Variants in ACACA observed in about 807,000 individuals in gnomAD.
ACACA encodes acetyl-CoA carboxylase 1.
ACACA carries 103 observed loss-of-function variants against 296.1 expected under a neutral mutation model. The ratio of observed to expected loss-of-function variants is 0.35; its 90% CI spans 0.30 to 0.41. The LOEUF is 0.41. Among genes scored for constraint, ACACA ranks in the 10% least tolerant of loss-of-function variants. The pLI is 1.00. For missense variants in ACACA, 1,554 were observed against 2,989.7 expected (o/e 0.52, Z 11.20); for synonymous variants, 953 against 1,038.6 (o/e 0.92, Z 1.58).
At chr17:37,355,573 T>C (rs1266268392) in intron 1 of ACACA, among the ~76,000 whole-genome samples, 1 of 147,446 alleles carries the variant, frequency 6.8e-6, no homozygotes. Flanking sequence ...TAAAATAAAA[T>C]AGCCAAGCAC....
rs2075694734 is a variant in ACACA at position 37,143,666 on chromosome 17, G to C, written c.5679+6198C>G. ...TGCTTTATAGACAAGAAAAAAATCT[G>C]TGCTAGAACCAACTTATTCATCATC... On this transcript the variant is annotated intron_variant, in intron 45 of 55. Coordinates refer to ENST00000616317, the MANE Select transcript of ACACA (RefSeq NM_198834.3). 2.2e-5 allele frequency: 20 copies of C among 892,046 alleles called. No individual in the cohort carries two copies. The East Asian group carries it at 4.5e-4, about 20-fold the overall frequency. The allele number at this position is 892,046 out of a possible 1,614,324, so 55.3% of individuals were successfully genotyped here. A position where few individuals can be genotyped will look rare whatever the true frequency, so the allele number is the denominator to read the frequency against.
chr17:37,157,837 A>G (rs1433419543), intron 42 of ACACA, among the ~76,000 whole-genome samples: 1 of 152,114 alleles, frequency 6.6e-6, no homozygotes, highest in Non-Finnish European at 1.5e-5. Context: ...GCCACCACAC[A>G]TGGCCTCATT....
At chr17:37,156,807 C>T (rs2076271074) in intron 42 of ACACA, among the ~76,000 whole-genome samples, 1 of 152,042 alleles carries the variant, frequency 6.6e-6, no homozygotes, top group Admixed American at 6.5e-5. Flanking sequence ...GAAATTATGC[C>T]CACCATTTAA....
intron 41 of ACACA, among the ~76,000 whole-genome samples, chr17:37,173,851 T>C (rs2076965029): frequency 6.8e-6 from 1 of 147,692 alleles, no homozygotes; most frequent in Admixed American, 6.8e-5. Context: ...TCTCACTCTG[T>C]CGCCCAGGCT....
chr17:37,247,978 T>G (rs939092980), intron 18 of ACACA, 33 bp downstream of exon 18: 12 of 1,613,482 alleles, frequency 7.4e-6, no homozygotes, highest in African/African-American at 1.3e-5. Flanking sequence ...GCTAACAGGA[T>G]GACCAGCAAA....
chr17:37,358,514 A>C (rs1011468878), intron 1 of ACACA, among the ~76,000 whole-genome samples: 7 of 152,208 alleles, frequency 4.6e-5, no homozygotes, highest in African/African-American at 1.7e-4. Context: ...AGAGCAAGTG[A>C]GGTCTGCACC....
chr17:37,140,668 G>C (rs192149965), intron 45 of ACACA: 57 of 190,608 alleles, frequency 3.0e-4, no homozygotes, highest in Admixed American at 3.0e-3. Context: ...TGTGGGTCTT[G>C]ATGAGGTGGT....
chr17:37,234,774 T>A (rs2080028388), intron 25 of ACACA, among the ~76,000 whole-genome samples: 1 of 152,026 alleles, frequency 6.6e-6, no homozygotes, highest in Non-Finnish European at 1.5e-5. Flanking sequence ...GCCAGAAGAG[T>A]CATTTTCTCA....
At chr17:37,179,821 CAAG>C (rs2077252491) in intron 40 of ACACA, among the ~76,000 whole-genome samples, 1 of 152,056 alleles carries the variant, frequency 6.6e-6, no homozygotes, top group South Asian at 2.1e-4. Context: ...AAAGAAAATC[CAAG>C]AAGGCCAGAA....
At chr17:37,285,551 T>A (rs968423687) in intron 3 of ACACA, among the ~76,000 whole-genome samples, 1 of 152,102 alleles carries the variant, frequency 6.6e-6, no homozygotes, top group Non-Finnish European at 1.5e-5. Flanking sequence ...CAGTGGCTCA[T>A]GCCTGTAATC....
intron 16 of ACACA, among the ~76,000 whole-genome samples, chr17:37,250,313 T>C (rs919982219): frequency 3.9e-5 from 6 of 152,214 alleles, no homozygotes; most frequent in African/African-American, 1.2e-4. Context: ...CTTTTGAATT[T>C]TGAACCACAT....
chr17:37,102,237 C>T (rs953432828), intron 52 of ACACA, among the ~76,000 whole-genome samples: 1 of 123,578 alleles, frequency 8.1e-6, no homozygotes. Flanking sequence ...CGGAGTCTTG[C>T]TCTGTCGCCC....
chr17:37,348,366 G>A (rs2048728906), intron 1 of ACACA, among the ~76,000 whole-genome samples: 1 of 152,032 alleles, frequency 6.6e-6, no homozygotes, highest in Non-Finnish European at 1.5e-5. Context: ...AATAAAAAGA[G>A]ACACCAAGGC....
At chr17:37,373,231 T>C (rs1395711020) in intron 1 of ACACA, among the ~76,000 whole-genome samples, 1 of 152,050 alleles carries the variant, frequency 6.6e-6, no homozygotes, top group Non-Finnish European at 1.5e-5. Flanking sequence ...CCCGACAGTA[T>C]GGCCTACTCC....
intron 25 of ACACA, among the ~76,000 whole-genome samples, chr17:37,233,373 C>A (rs2079955176): frequency 6.6e-6 from 1 of 152,206 alleles, no homozygotes; most frequent in Non-Finnish European, 1.5e-5. Context: ...AATCACTCCG[C>A]AAAAGGAGCG....
At chr17:37,346,792 C>T (rs928380358) in intron 1 of ACACA, among the ~76,000 whole-genome samples, 32 of 151,976 alleles carry the variant, frequency 2.1e-4, no homozygotes, top group Admixed American at 7.2e-4. Context: ...GACAATTTCT[C>T]CCATTTGGAA....
rs765081630 is a variant in ACACA at position 37,149,888 on chromosome 17, T to C, written c.5655A>G (p.Leu1885=). ...CTTTGTTGAGGGCTCCAGCTCCTGT[T>C]AGAATTAAGTGAGAATTCTCAACCT... is the stretch of plus-strand genomic sequence containing the variant. ...TIQVENSHLI[L]TGAGALNKVL... The change falls in exon 45 of 56, where the codon CTA becomes CTG. Residue 1885 remains leucine (L), a synonymous_variant. Transcript: ENST00000616317. 6.2e-7 allele frequency: 1 copy of C among 1,614,180 alleles called. No individual in the cohort carries two copies. Among genetic ancestry groups the C allele is most frequent in the Non-Finnish European group, 8.5e-7 (1 of 1,180,000 alleles).
Position 37,262,753 on chromosome 17 carries a change from G to A in ACACA, c.1329+932C>T, listed in dbSNP as rs776072393. Among the ~76,000 whole-genome samples, 5 of 152,048 alleles carry A rather than the reference G, an allele frequency of 3.3e-5. No homozygotes were observed. In the South Asian group the frequency reaches 1.0e-3, roughly 32 times the overall value. On this transcript the variant is annotated intron_variant, in intron 11 of 55. Transcript: ENST00000616317. ...CTTATTTATTTATTTGTTTTGAGAT[G>A]GGGTCTTGCTCTGTCACCCAGGTTG...
chr17:37,206,993 A>C, intron 31 of ACACA, 114 bp from the exon 32 acceptor site: 1 of 976,810 alleles, frequency 1.0e-6, no homozygotes, highest in Non-Finnish European at 1.6e-6. Flanking sequence ...CTCAATAGTT[A>C]ATTGAATAGA....
Sources: allele counts gnomAD v4.1 joint callset (sites outside exome capture counted in the v4.1 genomes callset), GRCh38; gene constraint gnomAD v4.1.1; transcripts MANE v1.5; gene names NCBI Gene and HGNC (gene_info 2026-07-23, HGNC 2026-07-21).